Variants in SYNE1 observed in about 807,000 individuals in gnomAD.
SYNE1 encodes the protein spectrin repeat containing nuclear envelope protein 1, also known as nesprin-1.
Under a neutral mutation model 1,111.0 loss-of-function variants are expected in SYNE1, and 616 were observed. The ratio of observed to expected loss-of-function variants is 0.55; its 90% confidence interval spans 0.52 to 0.59. The LOEUF (loss-of-function observed/expected upper bound fraction) is 0.59, where lower values mean the gene tolerates loss of function less well. Among genes scored for constraint, SYNE1 ranks in the 20% least tolerant of loss-of-function variants. The pLI is 0.00. For missense variants in SYNE1, 10,006 were observed against 10,417.0 expected, an observed-to-expected ratio of 0.96 and a Z score of 1.72; for synonymous variants, 3,855 against 3,825.8, an observed-to-expected ratio of 1.01 and a Z score of -0.28.
At chr6:152,570,299 G>A (rs2099443931) in intron 3 of SYNE1, among the ~76,000 whole-genome samples, 2 of 152,040 alleles carry the variant, frequency 1.3e-5, no homozygotes, top group South Asian at 2.1e-4. Context: ...AAAATATTAC[G>A]CTTTCAGAAA....
intron 125 of SYNE1, among the ~76,000 whole-genome samples, chr6:152,206,811 G>A (rs2076601157): frequency 6.6e-6 from 1 of 152,166 alleles, no homozygotes. Flanking sequence ...TTCACTATAT[G>A]AGAAAAATAT....
intron 30 of SYNE1, among the ~76,000 whole-genome samples, chr6:152,443,054 A>G (rs890963363): frequency 6.6e-6 from 1 of 152,246 alleles, no homozygotes; most frequent in Admixed American, 6.5e-5. Flanking sequence ...TTGAAGTATA[A>G]TCTTCAAATA....
At chr6:152,210,175 A>G (rs2077277937) in intron 124 of SYNE1, among the ~76,000 whole-genome samples, 1 of 152,150 alleles carries the variant, frequency 6.6e-6, no homozygotes, top group Admixed American at 6.5e-5. Context: ...AGTAGGCTCT[A>G]ATCTGATTTT....
At chr6:152,420,739 TTTTA>T (rs2098245132) in intron 39 of SYNE1, among the ~76,000 whole-genome samples, 1 of 152,186 alleles carries the variant, frequency 6.6e-6, no homozygotes, top group African/African-American at 2.4e-5. Flanking sequence ...GAAATACTTT[TTTTA>T]GTGGTGTTTT....
chr6:152,271,282 A>G (rs1434942194), intron 98 of SYNE1, among the ~76,000 whole-genome samples: 4 of 152,158 alleles, frequency 2.6e-5, no homozygotes, highest in Admixed American at 6.5e-5. Flanking sequence ...AATAGACTTT[A>G]TCTTTATCTT....
At chr6:152,385,572 A>G (rs1563589013) in intron 55 of SYNE1, 102 bp downstream of exon 55, 4 of 1,372,926 alleles carry the variant, frequency 2.9e-6, no homozygotes, top group Non-Finnish European at 4.1e-6. Flanking sequence ...GAAAACAGGA[A>G]GGAAACATTT....
At chr6:152,390,032 A>G (rs1301298185) in intron 53 of SYNE1, among the ~76,000 whole-genome samples, 1 of 152,220 alleles carries the variant, frequency 6.6e-6, no homozygotes, top group Non-Finnish European at 1.5e-5. Context: ...ATGTCACATA[A>G]GATTCCAGAA....
chr6:152,237,055 CAG>C, intron 108 of SYNE1, 107 bp from the exon 109 acceptor site: 1 of 1,471,614 alleles, frequency 6.8e-7, no homozygotes, highest in South Asian at 1.2e-5. Context: ...AAAGTTATAT[CAG>C]AGATGTTTGC....
At chr6:152,186,392 A>G (rs886622664) in intron 128 of SYNE1, among the ~76,000 whole-genome samples, 3 of 151,848 alleles carry the variant, frequency 2.0e-5, no homozygotes, top group African/African-American at 7.3e-5. Flanking sequence ...CCCTGTCTCT[A>G]CTAAAAATAC....
chr6:152,199,655 T>C (rs1257176655), intron 127 of SYNE1, among the ~76,000 whole-genome samples: 4 of 152,196 alleles, frequency 2.6e-5, no homozygotes, highest in Non-Finnish European at 5.9e-5. Context: ...ATAAATAGAG[T>C]ATTTCATGTG....
In SYNE1 at chr6:152,416,591, C is replaced by T; in HGVS notation, c.5846G>A (p.Arg1949Lys). 1 of 1,614,130 alleles carries T rather than the reference C, an allele frequency of 6.2e-7. No homozygotes were observed. The highest frequency in any genetic ancestry group is 8.5e-7 in the Non-Finnish European group (1 of 1,180,018). ...TCCACAGAGCTGATCAGCCGTGGCT[C>T]TGCAGGAAGTCCTTTGCTCAGAGCT... ...IGSSEQRTSC[R>K]ATADQLCGEV... Residue 1949 changes from arginine to lysine, a missense_variant, in exon 41 of 146, where the codon AGA becomes AAA. By Grantham distance (26) the Arg-to-Lys change is conservative. Around this residue, in one of 7 missense-constraint regions of SYNE1, gnomAD observed 4,955 missense variants for 5,017.2 expected, o/e 0.99. Transcript: ENST00000367255.
At chr6:152,561,003 A>G (rs749485451) in intron 3 of SYNE1, among the ~76,000 whole-genome samples, 5 of 152,168 alleles carry the variant, frequency 3.3e-5, no homozygotes, top group Non-Finnish European at 5.9e-5. Context: ...AAGATCAGTG[A>G]AAAGACAAGG....
intron 126 of SYNE1, among the ~76,000 whole-genome samples, chr6:152,204,361 A>G (rs1228988003): frequency 7.2e-6 from 1 of 138,762 alleles, no homozygotes; most frequent in Non-Finnish European, 1.5e-5. Flanking sequence ...GGGAGACTCT[A>G]TGTCAAAAAA....
At chr6:152,141,438 G>A (rs2058536249) in intron 138 of SYNE1, 109 bp from the exon 139 acceptor site, 2 of 1,443,556 alleles carry the variant, frequency 1.4e-6, no homozygotes, top group African/African-American at 1.4e-5. Flanking sequence ...TCTGTGTTTG[G>A]CTCCTCTGTG....
rs144206837 is a variant in SYNE1 at position 152,122,618 on chromosome 6, G to A, written c.26212C>T (p.Arg8738Cys). The A allele has an allele frequency of 2.4e-4, 381 of 1,614,132 alleles. 1 individual carries two copies. Among genetic ancestry groups the A allele is most frequent in the Middle Eastern group, 5.0e-4 (3 of 6,058 alleles). ...CGGAGGACTCTGAACAGGAAGCCGC[G>A]GCCGGACCGACCTGGCCCTGGCTCA... is the stretch of plus-strand genomic sequence containing the variant. ...LSEPGPGRSG[R>C]GFLFRVLRAA... Residue 8738 changes from arginine to cysteine, a missense_variant, in exon 146 of 146, where the codon CGC becomes TGC. This residue lies in a region of SYNE1 where 761 missense variants were observed against 795.5 expected (regional missense o/e 0.96). Coordinates refer to ENST00000367255, the MANE Select transcript of SYNE1 (RefSeq NM_182961.4).
intron 51 of SYNE1, among the ~76,000 whole-genome samples, chr6:152,394,196 T>G (rs1305716961): frequency 6.6e-6 from 1 of 152,264 alleles, no homozygotes; most frequent in African/African-American, 2.4e-5. Flanking sequence ...ATGGTGTATT[T>G]GTGCCACATT....
At chr6:152,316,704 G>A in intron 87 of SYNE1, 145 bp downstream of exon 87, 2 of 839,512 alleles carry the variant, frequency 2.4e-6, no homozygotes, top group African/African-American at 1.7e-5. Context: ...TCCAACTACT[G>A]AACAACTTAG....
intron 45 of SYNE1, chr6:152,404,894 A>G (rs528652785): frequency 6.5e-6 from 1 of 152,804 alleles, no homozygotes; most frequent in Admixed American, 6.5e-5. Context: ...TTATGAAACA[A>G]ATGAGATGCT....
At chr6:152,583,778 G>T (rs1202828864) in intron 3 of SYNE1, among the ~76,000 whole-genome samples, 1 of 152,204 alleles carries the variant, frequency 6.6e-6, no homozygotes, top group Non-Finnish European at 1.5e-5. Flanking sequence ...TCATTTGACT[G>T]AATTTATCAG....
Sources: gnomAD v4.1 joint callset for allele counts (sites outside exome capture counted in the v4.1 genomes callset) on GRCh38, gnomAD v4.1.1 for gene constraint, gnomAD v4.1.1 regional missense constraint, MANE v1.5 for transcripts, NCBI Gene and HGNC (gene_info 2026-07-23, HGNC 2026-07-21) for gene names.